Variants in LRMDA observed in about 807,000 individuals in gnomAD.
LRMDA encodes the protein leucine rich melanocyte differentiation associated.
Under a neutral mutation model 29.8 loss-of-function variants are expected in LRMDA, and 18 were observed. The observed-to-expected ratio is 0.60, with a 90% CI of 0.42 to 0.90. The LOEUF (loss-of-function observed/expected upper bound fraction) is 0.90, where lower values mean the gene tolerates loss of function less well. LRMDA is among the 40% of genes least tolerant of loss of function. The pLI is 0.00. For synonymous variants in LRMDA, 125 were observed against 109.4 expected (o/e 1.14, Z -0.89); for missense variants, 273 against 273.9 (o/e 1.00, Z 0.02).
chr10:75,572,094 C>G (rs1840444032), intron 2 of LRMDA, among the ~76,000 whole-genome samples: 1 of 152,078 alleles, frequency 6.6e-6, no homozygotes, highest in Non-Finnish European at 1.5e-5. Flanking sequence ...GCTGGGACTA[C>G]AGGTGCACAC....
chr10:75,675,573 C>T (rs1478452118), intron 2 of LRMDA, among the ~76,000 whole-genome samples: 3 of 152,204 alleles, frequency 2.0e-5, no homozygotes, highest in Non-Finnish European at 4.4e-5. Flanking sequence ...TTATACGAAG[C>T]TAGGTCTTTT....
At chr10:75,651,321 C>A (rs910928145) in intron 2 of LRMDA, among the ~76,000 whole-genome samples, 7 of 152,132 alleles carry the variant, frequency 4.6e-5, no homozygotes, top group African/African-American at 1.7e-4. Flanking sequence ...AGGATCTGGG[C>A]AGAAAATGTG....
chr10:76,210,064 C>T (rs184686087), intron 5 of LRMDA, among the ~76,000 whole-genome samples: 6 of 152,202 alleles, frequency 3.9e-5, no homozygotes, highest in South Asian at 2.1e-4. Context: ...GTCTGCCATC[C>T]GCACCGGGAA....
intron 2 of LRMDA, among the ~76,000 whole-genome samples, chr10:75,471,110 CT>C (rs1844720225): frequency 6.6e-6 from 1 of 152,080 alleles, no homozygotes; most frequent in Non-Finnish European, 1.5e-5. Context: ...TTCTTGGTGT[CT>C]TCTAGGGACA....
intron 2 of LRMDA, among the ~76,000 whole-genome samples, chr10:75,674,494 T>C (rs1000805738): frequency 6.6e-6 from 1 of 152,198 alleles, no homozygotes; most frequent in South Asian, 2.1e-4. Context: ...TCTTTTTTTT[T>C]CCTTAGAAGA....
intron 2 of LRMDA, among the ~76,000 whole-genome samples, chr10:75,951,023 A>G (rs1846565109): frequency 6.6e-6 from 1 of 152,136 alleles, no homozygotes; most frequent in African/African-American, 2.4e-5. Context: ...GTTCACTCTC[A>G]GTGAGGCCCA....
chr10:76,534,527 C>T (rs1843271046), intron 6 of LRMDA, among the ~76,000 whole-genome samples: 1 of 152,126 alleles, frequency 6.6e-6, no homozygotes, highest in Admixed American at 6.6e-5. Flanking sequence ...CTGTATTGGC[C>T]TTTTGAGTAA....
At chr10:76,448,077 A>T (rs1021042365) in intron 6 of LRMDA, among the ~76,000 whole-genome samples, 2 of 152,190 alleles carry the variant, frequency 1.3e-5, no homozygotes, top group African/African-American at 4.8e-5. Flanking sequence ...AAAAGAATAG[A>T]TGTTCATTAA....
intron 5 of LRMDA, among the ~76,000 whole-genome samples, chr10:76,226,219 A>C (rs559695297): frequency 3.6e-4 from 55 of 152,250 alleles, no homozygotes; most frequent in African/African-American, 1.3e-3. Flanking sequence ...AGGGAAAGCA[A>C]ACACATTCTT....
chr10:76,535,504 C>T (rs1264413224), intron 6 of LRMDA, among the ~76,000 whole-genome samples: 1 of 151,920 alleles, frequency 6.6e-6, no homozygotes, highest in African/African-American at 2.4e-5. Flanking sequence ...GAAGAGAAGC[C>T]CATTATACAG....
At chr10:76,144,862 G>A (rs543888200) in intron 5 of LRMDA, among the ~76,000 whole-genome samples, 53 of 152,156 alleles carry the variant, frequency 3.5e-4, no homozygotes, top group Admixed American at 2.7e-3. Context: ...TTTGAGATAC[G>A]TCCCATCAAT....
At chr10:75,747,647 A>G (rs997807652) in intron 2 of LRMDA, among the ~76,000 whole-genome samples, 3 of 152,188 alleles carry the variant, frequency 2.0e-5, no homozygotes, top group African/African-American at 4.8e-5. Flanking sequence ...TCCTTTCCTT[A>G]AAATGATCTG....
At chr10:75,692,515 G>T (rs1053743109) in intron 2 of LRMDA, among the ~76,000 whole-genome samples, 2 of 149,814 alleles carry the variant, frequency 1.3e-5, no homozygotes, top group Admixed American at 6.7e-5. Context: ...ATACATGTGT[G>T]TATACACATA....
At chr10:75,645,776 C>G (rs918515697) in intron 2 of LRMDA, among the ~76,000 whole-genome samples, 1 of 152,050 alleles carries the variant, frequency 6.6e-6, no homozygotes, top group African/African-American at 2.4e-5. Context: ...GTGGAATATT[C>G]CTGGGGTAGA....
chr10:76,146,512 A>G (rs1389377132), intron 5 of LRMDA, among the ~76,000 whole-genome samples: 4 of 151,716 alleles, frequency 2.6e-5, no homozygotes, highest in Non-Finnish European at 5.9e-5. Context: ...TAGGATTGCA[A>G]CCACTGCCTT....
At chr10:76,222,274 C>G (rs1345187820) in intron 5 of LRMDA, among the ~76,000 whole-genome samples, 1 of 152,136 alleles carries the variant, frequency 6.6e-6, no homozygotes, top group Non-Finnish European at 1.5e-5. Context: ...CAAATGGGAT[C>G]TAATTAAACT....
rs1470807696 is a variant in LRMDA, at chr10:76,069,599, G to C, written c.516+10816G>C. 2.0e-5 allele frequency among the ~76,000 whole-genome samples: 3 copies of C among 148,044 alleles called. No individual in the cohort carries two copies. The East Asian group carries it at 5.9e-4, about 29-fold the overall frequency. On this transcript the variant is annotated intron_variant, in intron 5 of 6. Coordinates refer to ENST00000611255, the MANE Select transcript of LRMDA (RefSeq NM_001305581.2). ...AATACTCTGTCTAGGCTCCAAAGCT[G>C]TCTTTTTTTTTTTTTTCTTTTTTGA... is the stretch of plus-strand genomic sequence containing the variant.
At chr10:75,604,993 T>C (rs978104567) in intron 2 of LRMDA, among the ~76,000 whole-genome samples, 1 of 152,214 alleles carries the variant, frequency 6.6e-6, no homozygotes, top group African/African-American at 2.4e-5. Flanking sequence ...AACAAAATGT[T>C]TTGTTTAGAG....
At chr10:75,630,740 T>C (rs1841311594) in intron 2 of LRMDA, among the ~76,000 whole-genome samples, 1 of 152,240 alleles carries the variant, frequency 6.6e-6, no homozygotes. Context: ...ATTTAATGAT[T>C]GGCAGTCTTC....
Sources: allele counts gnomAD v4.1 joint callset (sites outside exome capture counted in the v4.1 genomes callset), GRCh38; gene constraint gnomAD v4.1.1; transcripts MANE v1.5; gene names NCBI Gene and HGNC (gene_info 2026-07-23, HGNC 2026-07-21).